Variants in CDH13 observed in about 807,000 individuals in gnomAD.
The protein encoded by CDH13 is cadherin-13.
A neutral mutation model predicts 63.8 loss-of-function variants in CDH13; 24 were observed. That is an observed-to-expected ratio of 0.38 (90% CI 0.27 to 0.53). The LOEUF is 0.53. CDH13 is among the 20% of genes least tolerant of loss of function. CDH13 has a pLI of 0.85. For missense variants in CDH13, 1,049 were observed against 903.1 expected, an observed-to-expected ratio of 1.16 and a Z score of -2.07; for synonymous variants, 503 against 355.3, an observed-to-expected ratio of 1.42 and a Z score of -4.67.
At chr16:83,607,620 G>A (rs1056559552) in intron 8 of CDH13, among the ~76,000 whole-genome samples, 4 of 152,112 alleles carry the variant, frequency 2.6e-5, no homozygotes, top group Middle Eastern at 3.2e-3. Flanking sequence ...TACGATGAAC[G>A]AAGATTGTAC....
intron 7 of CDH13, among the ~76,000 whole-genome samples, chr16:83,509,043 G>A (rs1022901190): frequency 6.6e-6 from 1 of 152,174 alleles, no homozygotes; most frequent in Admixed American, 6.5e-5. Flanking sequence ...GAAACCCTCT[G>A]CCCTCCCTTC....
At position 83,471,752 on chromosome 16, in the gene CDH13, G is replaced by C. The variant is rs368042851; in HGVS notation, c.782-14725G>C. Among the ~76,000 whole-genome samples the C allele has an allele frequency of 7.2e-5, 11 of 152,298 alleles. No homozygotes were observed. The East Asian group carries it at 1.9e-3, about 27-fold the overall frequency. ...ACTACTACACCATATGCTCACCCGA[G>C]CAGTGCCTAAATACCCAGCTTCTTA... On this transcript the variant is annotated intron_variant, in intron 6 of 13. Transcript: ENST00000567109.
chr16:83,746,743 A>G (rs1912623108), intron 10 of CDH13, among the ~76,000 whole-genome samples: 2 of 152,354 alleles, frequency 1.3e-5, no homozygotes, highest in Admixed American at 6.5e-5. Flanking sequence ...CAAAGTGCCA[A>G]CAGCATCTTT....
At chr16:83,030,256 C>T (rs1396420629) in intron 2 of CDH13, among the ~76,000 whole-genome samples, 1 of 152,162 alleles carries the variant, frequency 6.6e-6, no homozygotes, top group African/African-American at 2.4e-5. Context: ...ACACTGAACT[C>T]GTTGGAACTG....
intron 10 of CDH13, among the ~76,000 whole-genome samples, chr16:83,702,810 G>A (rs1467121642): frequency 6.6e-6 from 1 of 152,202 alleles, no homozygotes; most frequent in African/African-American, 2.4e-5. Flanking sequence ...AAGGTACAGA[G>A]GGTCTGGGAG....
intron 1 of CDH13, among the ~76,000 whole-genome samples, chr16:82,635,360 G>A (rs1185017678): frequency 1.3e-5 from 2 of 152,212 alleles, no homozygotes; most frequent in Non-Finnish European, 2.9e-5. Flanking sequence ...ACAGTAGAGG[G>A]TGTGGGTGGG....
At chr16:82,720,546 G>T (rs1276000011) in intron 1 of CDH13, among the ~76,000 whole-genome samples, 1 of 152,088 alleles carries the variant, frequency 6.6e-6, no homozygotes, top group Non-Finnish European at 1.5e-5. Context: ...GGGCAATTTA[G>T]ATGTGACAGT....
At chr16:82,702,417 G>A (rs1208031970) in intron 1 of CDH13, among the ~76,000 whole-genome samples, 1 of 152,134 alleles carries the variant, frequency 6.6e-6, no homozygotes, top group Admixed American at 6.5e-5. Context: ...CAGGGCCCCT[G>A]TCTTGTTCGT....
intron 2 of CDH13, among the ~76,000 whole-genome samples, chr16:82,924,990 A>G (rs572800852): frequency 4.6e-5 from 7 of 152,342 alleles, no homozygotes; most frequent in African/African-American, 1.4e-4. Context: ...TTAGAACCGT[A>G]TACGAATAAT....
chr16:82,801,272 T>C (rs1275223766), intron 1 of CDH13, among the ~76,000 whole-genome samples: 1 of 152,218 alleles, frequency 6.6e-6, no homozygotes, highest in East Asian at 1.9e-4. Flanking sequence ...TATCAGCCTG[T>C]TTCTGTTAAC....
At chr16:83,473,877 A>G (rs557391331) in intron 6 of CDH13, among the ~76,000 whole-genome samples, 1 of 146,918 alleles carries the variant, frequency 6.8e-6, no homozygotes, top group East Asian at 2.0e-4. Context: ...TCTCCATAAA[A>G]TGGGCTAATG....
intron 7 of CDH13, among the ~76,000 whole-genome samples, chr16:83,493,854 C>G (rs1048268763): frequency 2.6e-5 from 4 of 152,202 alleles, no homozygotes; most frequent in Non-Finnish European, 2.9e-5. Flanking sequence ...TGGCAAAGTT[C>G]AGGCGTTTTG....
intron 13 of CDH13, among the ~76,000 whole-genome samples, chr16:83,792,580 T>TG (rs1011811077): frequency 6.6e-6 from 1 of 152,198 alleles, no homozygotes; most frequent in Non-Finnish European, 1.5e-5. Flanking sequence ...ATCTAGTGGA[T>TG]GGAGGGTAAG....
chr16:82,967,304 A>G (rs1273774434), intron 2 of CDH13, among the ~76,000 whole-genome samples: 2 of 151,814 alleles, frequency 1.3e-5, no homozygotes, highest in Admixed American at 6.6e-5. Context: ...ATTTTCTCAT[A>G]GTCTGCCCTC....
chr16:83,033,017 A>G (rs1916512944), intron 3 of CDH13, among the ~76,000 whole-genome samples: 1 of 152,196 alleles, frequency 6.6e-6, no homozygotes, highest in Non-Finnish European at 1.5e-5. Flanking sequence ...ACATGTATGT[A>G]TATGGTGCTG....
intron 1 of CDH13, among the ~76,000 whole-genome samples, chr16:82,849,637 T>C (rs1049417726): frequency 1.3e-5 from 2 of 152,222 alleles, no homozygotes; most frequent in Non-Finnish European, 2.9e-5. Context: ...TTCTACATGG[T>C]TAAAACATTC....
intron 4 of CDH13, among the ~76,000 whole-genome samples, chr16:83,148,418 C>T (rs2151689804): frequency 6.6e-6 from 1 of 152,320 alleles, no homozygotes; most frequent in African/African-American, 2.4e-5. Context: ...ACTAAGACGG[C>T]AGTAGGAGAA....
chr16:82,899,381 A>T (rs1469930981), intron 2 of CDH13, among the ~76,000 whole-genome samples: 1 of 152,240 alleles, frequency 6.6e-6, no homozygotes, highest in Non-Finnish European at 1.5e-5. Flanking sequence ...TCAATGGTTT[A>T]CGCAAAAGCC....
At chr16:83,037,895 A>C (rs1917005741) in intron 3 of CDH13, among the ~76,000 whole-genome samples, 1 of 152,218 alleles carries the variant, frequency 6.6e-6, no homozygotes, top group Admixed American at 6.5e-5. Context: ...TCCTGGGCAT[A>C]GCACCAGACA....
Sources: allele counts gnomAD v4.1 joint callset (sites outside exome capture counted in the v4.1 genomes callset), GRCh38; gene constraint gnomAD v4.1.1; transcripts MANE v1.5; gene names NCBI Gene and HGNC (gene_info 2026-07-23, HGNC 2026-07-21).